The following CDH6 variants were observed in gnomAD, a reference collection of about 807,000 sequenced individuals.
CDH6 encodes the protein cadherin 6, also known as cadherin-6.
In CDH6, 31 loss-of-function variants were observed where a neutral mutation model predicts 78.0. The observed-to-expected ratio is 0.40, with a 90% CI of 0.30 to 0.54. The LOEUF is 0.54. CDH6 is among the 20% of genes least tolerant of loss of function. The pLI is 0.56. For synonymous variants in CDH6, 376 were observed against 368.8 expected (o/e 1.02, Z -0.23); for missense variants, 724 against 975.9 (o/e 0.74, Z 3.44).
intron 1 of CDH6, among the ~76,000 whole-genome samples, chr5:31,214,632 T>C (rs966090107): frequency 7.9e-5 from 12 of 152,210 alleles, no homozygotes; most frequent in Admixed American, 3.9e-4. Flanking sequence ...CATTTGGCAA[T>C]GGAACTACAT....
At position 31,220,758 on chromosome 5, in the gene CDH6, T is replaced by C. The variant is rs72749645; in HGVS notation, c.-129+26872T>C. On this transcript the variant is annotated intron_variant, in intron 1 of 11. Transcript: ENST00000265071. ...AAAAAGCCTCTTCGTAACAGTGATA[T>C]TTTATCCCCCAACCTGAAGGATGAA... 7.2e-5 allele frequency among the ~76,000 whole-genome samples: 11 copies of C among 152,112 alleles called. 1 individual carries two copies. Among genetic ancestry groups the C allele is most frequent in the Admixed American group, 5.9e-4 (9 of 15,258 alleles).
intron 3 of CDH6, among the ~76,000 whole-genome samples, chr5:31,297,011 C>T (rs1326308457): frequency 6.6e-6 from 1 of 152,092 alleles, no homozygotes; most frequent in Non-Finnish European, 1.5e-5. Context: ...AAGCAAGAGT[C>T]CAGTCAAATC....
In CDH6 at chr5:31,267,435, G is replaced by C. The variant is rs750058121; in HGVS notation, c.-39G>C. 6.8e-7 allele frequency: 1 copy of C among 1,476,802 alleles called. No homozygotes were observed. Among genetic ancestry groups the C allele is most frequent in the Non-Finnish European group, 9.5e-7 (1 of 1,055,766 alleles). 91.5% of individuals were successfully genotyped at this position (1,476,802 alleles called of 1,614,324 possible). A position where few individuals can be genotyped will look rare whatever the true frequency, so the allele number is the denominator to read the frequency against. On this transcript the variant is annotated 5_prime_UTR_variant, in exon 2 of 12. Coordinates refer to ENST00000265071, the MANE Select transcript of CDH6 (RefSeq NM_004932.4). ...CAGTGAAAAAGGCACTTCCAAGAGT[G>C]GGGCACTCACTACGCACAGACTCGA...
At chr5:31,203,709 C>T (rs895053655) in intron 1 of CDH6, among the ~76,000 whole-genome samples, 8 of 151,702 alleles carry the variant, frequency 5.3e-5, no homozygotes, top group African/African-American at 1.5e-4. Flanking sequence ...AATAAACATA[C>T]GTGTGCATGT....
At chr5:31,293,657 C>T (rs888032094) in intron 2 of CDH6, among the ~76,000 whole-genome samples, 4 of 152,086 alleles carry the variant, frequency 2.6e-5, no homozygotes, top group Admixed American at 2.0e-4. Context: ...TCCAGCCACC[C>T]TAATACGTCC....
chr5:31,231,453 G>A (rs1741308017), intron 1 of CDH6, among the ~76,000 whole-genome samples: 1 of 152,118 alleles, frequency 6.6e-6, no homozygotes, highest in Non-Finnish European at 1.5e-5. Flanking sequence ...ATTTTCTGTT[G>A]CTCGTAACAG....
intron 1 of CDH6, among the ~76,000 whole-genome samples, chr5:31,211,386 T>C (rs1035374906): frequency 2.3e-5 from 2 of 85,256 alleles, no homozygotes; most frequent in Non-Finnish European, 5.0e-5. Context: ...CCACTAGAGC[T>C]TTAAGAAACT....
chr5:31,289,451 T>C (rs1446437760), intron 2 of CDH6, among the ~76,000 whole-genome samples: 1 of 152,224 alleles, frequency 6.6e-6, no homozygotes, highest in Non-Finnish European at 1.5e-5. Context: ...GGTGTCATTC[T>C]GATAGAATGA....
rs796929696 is a variant in CDH6 at position 31,328,196 on chromosome 5, T to C, written c.*4888T>C. ...ATTCCTTTTTTTTTTTTTTTTTTTT[T>C]CAAAAACCCATGAACCACAAACTCA... is the stretch of plus-strand genomic sequence containing the variant. On this transcript the variant is annotated 3_prime_UTR_variant, in exon 12 of 12. Transcript: ENST00000265071. The C allele has an allele frequency of 8.3e-3, 1,456 of 176,134 alleles. 8 individuals carry two copies. The highest frequency in any genetic ancestry group is 0.037 in the South Asian group (179 of 4,860). The allele number at this position is 176,134 out of a possible 1,614,324, so 10.9% of individuals were successfully genotyped here.
At chr5:31,315,312 G>A (rs768279353) in intron 8 of CDH6, among the ~76,000 whole-genome samples, 7 of 152,072 alleles carry the variant, frequency 4.6e-5, no homozygotes, top group East Asian at 1.9e-4. Context: ...TGTTTCCTAC[G>A]TGCCCCAACA....
chr5:31,199,372 G>T (rs867361719), intron 1 of CDH6, among the ~76,000 whole-genome samples: 1 of 148,468 alleles, frequency 6.7e-6, no homozygotes, highest in South Asian at 2.1e-4. Context: ...GTATATATAT[G>T]ATATATATGG....
intron 1 of CDH6, among the ~76,000 whole-genome samples, chr5:31,210,447 T>C (rs912278581): frequency 6.6e-6 from 1 of 152,104 alleles, no homozygotes; most frequent in Non-Finnish European, 1.5e-5. Flanking sequence ...GAGGTTGCAG[T>C]GAGCCGAGAT....
intron 1 of CDH6, among the ~76,000 whole-genome samples, chr5:31,213,156 C>T (rs1035770939): frequency 6.6e-6 from 1 of 152,088 alleles, no homozygotes; most frequent in South Asian, 2.1e-4. Flanking sequence ...CAAGCTACAC[C>T]GCTGGCTAGA....
At chr5:31,197,540 T>C (rs1740202899) in intron 1 of CDH6, among the ~76,000 whole-genome samples, 1 of 152,160 alleles carries the variant, frequency 6.6e-6, no homozygotes. Flanking sequence ...AAAGTGAAAA[T>C]GTAGACAATC....
chr5:31,233,797 T>A (rs1741381770), intron 1 of CDH6, among the ~76,000 whole-genome samples: 1 of 152,192 alleles, frequency 6.6e-6, no homozygotes, highest in Non-Finnish European at 1.5e-5. Context: ...ACCGCCTCAC[T>A]CTCTACTACT....
chr5:31,291,539 GACTCTGCTGTGTTCTTAC>G (rs1028927444), intron 2 of CDH6, among the ~76,000 whole-genome samples: 6 of 152,260 alleles, frequency 3.9e-5, no homozygotes, highest in Admixed American at 2.0e-4. Flanking sequence ...GAGGTTAATT[GACTCTGCTGTGTTCTTAC>G]ACTTGCTGAG....
chr5:31,271,628 G>A (rs1348398735), intron 2 of CDH6, among the ~76,000 whole-genome samples: 2 of 152,180 alleles, frequency 1.3e-5, no homozygotes, highest in Non-Finnish European at 1.5e-5. Flanking sequence ...GTGGTCCTGT[G>A]TCGGGTAAGT....
chr5:31,245,383 T>C (rs1348825340), intron 1 of CDH6, among the ~76,000 whole-genome samples: 17 of 152,164 alleles, frequency 1.1e-4, no homozygotes, highest in Non-Finnish European at 2.2e-4. Context: ...CTTCTCTTTC[T>C]TTCTCTCTCT....
chr5:31,299,569 G>A lies in CDH6; in HGVS notation c.749G>A (p.Gly250Glu). The change falls in exon 5 of 12, where the codon GGG (glycine) becomes GAG (glutamate). Residue 250 changes from glycine (G) to glutamate (E), a missense_variant. Transcript: ENST00000265071. ...GGCGGCCAGATGGGAGGATTATCTGGGACCACCACCGTGAACATCACACTG... is the reference window on the plus strand; with the variant it reads ...GGCGGCCAGATGGGAGGATTATCTGAGACCACCACCGTGAACATCACACTG... ...DMGGQMGGLSGTTTVNITLTD... is the reference protein window; with the variant it reads ...DMGGQMGGLSETTTVNITLTD... 6.2e-7 allele frequency: 1 copy of A among 1,613,638 alleles called. No individual in the cohort carries two copies.
Sources: allele counts gnomAD v4.1 joint callset (sites outside exome capture counted in the v4.1 genomes callset), GRCh38; gene constraint gnomAD v4.1.1; transcripts MANE v1.5; gene names NCBI Gene and HGNC (gene_info 2026-07-23, HGNC 2026-07-21).